THSD7B: variants seen among roughly 807,000 people sequenced by gnomAD.
THSD7B encodes the protein thrombospondin type 1 domain containing 7B.
Under a neutral mutation model 213.6 loss-of-function variants are expected in THSD7B, and 138 were observed. The ratio of observed to expected loss-of-function variants is 0.65; its 90% CI spans 0.56 to 0.74. The LOEUF is 0.74. Ranked by LOEUF, THSD7B falls within the 30% of genes least tolerant of loss-of-function variation. The pLI is 0.00. For synonymous variants in THSD7B, 742 were observed against 687.0 expected, an observed-to-expected ratio of 1.08 and a Z score of -1.25; for missense variants, 1,931 against 1,991.5, an observed-to-expected ratio of 0.97 and a Z score of 0.58.
At chr2:137,307,425 C>T (rs1019999138) in intron 12 of THSD7B, among the ~76,000 whole-genome samples, 7 of 152,038 alleles carry the variant, frequency 4.6e-5, no homozygotes, top group African/African-American at 1.2e-4. Flanking sequence ...GAACATGTCT[C>T]GACAACCCAG....
intron 2 of THSD7B, among the ~76,000 whole-genome samples, chr2:136,998,244 G>T (rs1573757406): frequency 1.0e-5 from 1 of 96,090 alleles, no homozygotes; most frequent in African/African-American, 3.9e-5. Flanking sequence ...CCTATACATG[G>T]AAAGAGACTA....
At chr2:137,573,595 A>G (rs1681401377) in intron 17 of THSD7B, among the ~76,000 whole-genome samples, 1 of 152,084 alleles carries the variant, frequency 6.6e-6, no homozygotes, top group Non-Finnish European at 1.5e-5. Flanking sequence ...TTGTACTACT[A>G]AGTCATTTAT....
At chr2:136,906,936 G>T (rs1684172015) in intron 2 of THSD7B, among the ~76,000 whole-genome samples, 8 of 55,092 alleles carry the variant, frequency 1.5e-4, no homozygotes, top group Non-Finnish European at 2.3e-4. Context: ...ACATTTCAAG[G>T]TTTTTTTTTT....
chr2:137,367,210 A>G (rs1193219083), intron 12 of THSD7B, among the ~76,000 whole-genome samples: 2 of 152,156 alleles, frequency 1.3e-5, no homozygotes, highest in African/African-American at 2.4e-5. Context: ...GCAGTAGAAC[A>G]CCGTACAGAT....
chr2:136,998,945 CA>C (rs1457449689), intron 2 of THSD7B, among the ~76,000 whole-genome samples: 7 of 150,644 alleles, frequency 4.6e-5, no homozygotes, highest in Non-Finnish European at 8.9e-5. Flanking sequence ...CACACACACA[CA>C]CACACACACA....
intron 12 of THSD7B, among the ~76,000 whole-genome samples, chr2:137,366,646 A>G (rs1053738296): frequency 1.3e-5 from 2 of 152,146 alleles, no homozygotes; most frequent in African/African-American, 2.4e-5. Context: ...AATAGAAGAA[A>G]AACTAGTCCA....
chr2:137,256,336 A>G (rs906181426), intron 10 of THSD7B, among the ~76,000 whole-genome samples: 2 of 152,222 alleles, frequency 1.3e-5, no homozygotes, highest in South Asian at 2.1e-4. Context: ...CATGTTTTCT[A>G]TAACAGGAAT....
intron 17 of THSD7B, among the ~76,000 whole-genome samples, chr2:137,585,167 G>A (rs1271624005): frequency 6.6e-6 from 1 of 152,132 alleles, no homozygotes; most frequent in Admixed American, 6.5e-5. Flanking sequence ...TTGTATTTCT[G>A]TGGGATCAGT....
chr2:137,063,519 TG>T (rs951825204), intron 3 of THSD7B, among the ~76,000 whole-genome samples: 1 of 152,078 alleles, frequency 6.6e-6, no homozygotes, highest in African/African-American at 2.4e-5. Flanking sequence ...ATTTATCCTT[TG>T]TGTTATAAAC....
chr2:136,959,915 A>G (rs1311619367), intron 2 of THSD7B, among the ~76,000 whole-genome samples: 2 of 152,200 alleles, frequency 1.3e-5, no homozygotes, highest in Non-Finnish European at 2.9e-5. Flanking sequence ...AGGACACTTG[A>G]CTGGAGGAAG....
At chr2:137,666,280 C>CT (rs942279166) in intron 26 of THSD7B, among the ~76,000 whole-genome samples, 14 of 151,098 alleles carry the variant, frequency 9.3e-5, no homozygotes, top group African/African-American at 2.9e-4. Flanking sequence ...TCAGGAAAGA[C>CT]TTTTTTTTTG....
chr2:136,858,832 C>T (rs1336115486), intron 1 of THSD7B, among the ~76,000 whole-genome samples: 1 of 152,136 alleles, frequency 6.6e-6, no homozygotes, highest in Non-Finnish European at 1.5e-5. Context: ...CATGGTGCGC[C>T]CTTATTGAAT....
intron 14 of THSD7B, among the ~76,000 whole-genome samples, chr2:137,433,502 A>G (rs6753662): frequency 0.72 from 109,755 of 151,606 alleles, 39,916 homozygotes; most frequent in East Asian, 0.84. Context: ...GATTACAGGC[A>G]GGCACCATCC....
At chr2:137,654,238 C>G (rs891977780) in intron 21 of THSD7B, among the ~76,000 whole-genome samples, 1 of 152,068 alleles carries the variant, frequency 6.6e-6, no homozygotes, top group South Asian at 2.1e-4. Context: ...AGGGGATATC[C>G]CAATAGTGTG....
At chr2:137,564,018 A>T (rs974547119) in intron 16 of THSD7B, among the ~76,000 whole-genome samples, 5 of 152,218 alleles carry the variant, frequency 3.3e-5, no homozygotes, top group Admixed American at 2.0e-4. Flanking sequence ...TTACCAACTG[A>T]GGATAATGGC....
At chr2:137,061,544 T>C (rs1179811934) in intron 3 of THSD7B, among the ~76,000 whole-genome samples, 2 of 151,438 alleles carry the variant, frequency 1.3e-5, no homozygotes, top group Non-Finnish European at 3.0e-5. Context: ...CCTTCATTCT[T>C]AGTTTTCTGA....
At chr2:137,417,599 T>C (rs1298914597) in intron 14 of THSD7B, among the ~76,000 whole-genome samples, 1 of 151,948 alleles carries the variant, frequency 6.6e-6, no homozygotes, top group East Asian at 1.9e-4. Flanking sequence ...TTTTTATTTT[T>C]ATTTTTTATT....
intron 3 of THSD7B, among the ~76,000 whole-genome samples, chr2:137,084,313 A>T (rs1301512789): frequency 6.6e-6 from 1 of 152,208 alleles, no homozygotes; most frequent in Non-Finnish European, 1.5e-5. Flanking sequence ...AGGACGTGAC[A>T]GTTGGGAAGA....
intron 20 of THSD7B, among the ~76,000 whole-genome samples, chr2:137,628,162 G>A (rs1048480385): frequency 1.3e-5 from 2 of 152,140 alleles, no homozygotes; most frequent in African/African-American, 4.8e-5. Flanking sequence ...TCCTCTACCT[G>A]TCTGTAGAAG....
Sources: gnomAD v4.1 joint callset for allele counts (sites outside exome capture counted in the v4.1 genomes callset) on GRCh38, gnomAD v4.1.1 for gene constraint, MANE v1.5 for transcripts, NCBI Gene and HGNC (gene_info 2026-07-23, HGNC 2026-07-21) for gene names.